The following SLC9A9 variants were observed in gnomAD, a reference collection of about 807,000 sequenced individuals.
SLC9A9 encodes sodium/hydrogen exchanger 9.
Under a neutral mutation model 77.8 loss-of-function variants are expected in SLC9A9, and 62 were observed. The ratio of observed to expected loss-of-function variants is 0.80; its 90% CI spans 0.65 to 0.98. SLC9A9 has a LOEUF of 0.98. SLC9A9 is among the 50% of genes least tolerant of loss of function. The pLI, the probability that SLC9A9 is intolerant of heterozygous loss-of-function variation, is 0.00. For missense variants in SLC9A9, 775 were observed against 774.9 expected, an observed-to-expected ratio of 1.00 and a Z score of 0.00; for synonymous variants, 320 against 283.5, an observed-to-expected ratio of 1.13 and a Z score of -1.29.
intron 8 of SLC9A9, among the ~76,000 whole-genome samples, chr3:143,571,814 T>G (rs985310687): frequency 1.3e-5 from 2 of 152,202 alleles, no homozygotes; most frequent in Non-Finnish European, 2.9e-5. Flanking sequence ...TCCTGTGATG[T>G]GCATGGCTTA....
At chr3:143,554,976 T>C (rs1443148710) in intron 8 of SLC9A9, among the ~76,000 whole-genome samples, 1 of 152,236 alleles carries the variant, frequency 6.6e-6, no homozygotes, top group East Asian at 1.9e-4. Flanking sequence ...ATCTTGCTAC[T>C]TGATATTTTA....
At chr3:143,626,703 A>T (rs1328273351) in intron 6 of SLC9A9, 1 of 152,166 alleles carries the variant, frequency 6.6e-6, no homozygotes, top group African/African-American at 2.4e-5. Flanking sequence ...CCAACATGGC[A>T]CATGTATACA....
At chr3:143,324,280 ACCTCTC>A (rs2031510932) in intron 14 of SLC9A9, among the ~76,000 whole-genome samples, 2 of 150,924 alleles carry the variant, frequency 1.3e-5, no homozygotes, top group South Asian at 4.2e-4. Flanking sequence ...AAGTCCAGAA[ACCTCTC>A]CCTCTCCATT....
intron 2 of SLC9A9, among the ~76,000 whole-genome samples, chr3:143,802,898 C>T (rs1338730028): frequency 1.3e-5 from 2 of 152,154 alleles, no homozygotes; most frequent in East Asian, 1.9e-4. Flanking sequence ...TCTTACTCAG[C>T]CCCAACCTTG....
intron 2 of SLC9A9, among the ~76,000 whole-genome samples, chr3:143,824,494 G>A (rs987351424): frequency 1.1e-4 from 17 of 152,174 alleles, no homozygotes; most frequent in Non-Finnish European, 1.8e-4. Flanking sequence ...CCTTCACTCC[G>A]AACCTTCTAA....
intron 12 of SLC9A9, among the ~76,000 whole-genome samples, chr3:143,462,348 C>T (rs962249543): frequency 3.3e-5 from 5 of 151,876 alleles, no homozygotes; most frequent in African/African-American, 7.2e-5. Context: ...ACTCCACCCT[C>T]GGTGAGAGAG....
intron 1 of SLC9A9, among the ~76,000 whole-genome samples, chr3:143,846,129 TG>T (rs2009825274): frequency 6.6e-6 from 1 of 152,220 alleles, no homozygotes; most frequent in African/African-American, 2.4e-5. Flanking sequence ...AGTTACTGTA[TG>T]TATTGTGAAT....
intron 6 of SLC9A9, among the ~76,000 whole-genome samples, chr3:143,585,752 A>T (rs2037530737): frequency 6.6e-6 from 1 of 152,150 alleles, no homozygotes; most frequent in South Asian, 2.1e-4. Context: ...ACATACTCTC[A>T]AGGCACATCA....
rs185567786 is a variant in SLC9A9 at position 143,839,668 on chromosome 3, T to C, written c.176-7447A>G. On this transcript the variant is annotated intron_variant, in intron 1 of 15. Coordinates refer to ENST00000316549, the MANE Select transcript of SLC9A9 (RefSeq NM_173653.4). Reference sequence around the variant, plus strand: ...GTACACACTTCACAAAACTCTGGGATTTCTAACAGTATAATAGATAACTTT... The same window carrying C: ...GTACACACTTCACAAAACTCTGGGACTTCTAACAGTATAATAGATAACTTT... Among the ~76,000 whole-genome samples, 21 of 152,292 alleles carry C rather than the reference T, an allele frequency of 1.4e-4. No individual in the cohort carries two copies. In the East Asian group the frequency reaches 3.9e-3, roughly 28 times the overall value.
chr3:143,496,124 A>G (rs1191208507), intron 9 of SLC9A9, among the ~76,000 whole-genome samples: 2 of 152,256 alleles, frequency 1.3e-5, no homozygotes, highest in African/African-American at 4.8e-5. Flanking sequence ...GCAAGAACAC[A>G]ATAGATACAT....
chr3:143,617,963 A>G (rs534527965), intron 6 of SLC9A9, among the ~76,000 whole-genome samples: 1 of 152,304 alleles, frequency 6.6e-6, no homozygotes, highest in East Asian at 1.9e-4. Context: ...TACAGGAGAG[A>G]GAGTCCAGAG....
intron 4 of SLC9A9, among the ~76,000 whole-genome samples, chr3:143,763,856 CAAAT>C (rs563955904): frequency 2.4e-4 from 36 of 151,850 alleles, no homozygotes; most frequent in African/African-American, 8.4e-4. Context: ...TTAAATAAGA[CAAAT>C]AATTTTTTTT....
chr3:143,813,280 C>A (rs1037251339), intron 2 of SLC9A9, among the ~76,000 whole-genome samples: 2 of 152,090 alleles, frequency 1.3e-5, no homozygotes, highest in African/African-American at 4.8e-5. Flanking sequence ...GTCTGGGGCT[C>A]TGCTTATCCT....
intron 14 of SLC9A9, among the ~76,000 whole-genome samples, chr3:143,284,295 G>T (rs1442764157): frequency 6.6e-6 from 1 of 152,182 alleles, no homozygotes; most frequent in East Asian, 1.9e-4. Context: ...AGTCCCAAAT[G>T]ATAATTGTTC....
At chr3:143,399,603 A>G (rs1484354373) in intron 12 of SLC9A9, among the ~76,000 whole-genome samples, 2 of 152,198 alleles carry the variant, frequency 1.3e-5, no homozygotes, top group African/African-American at 2.4e-5. Context: ...TGAAATTATC[A>G]TGAAGACTAC....
chr3:143,768,005 T>C (rs1453570619), intron 4 of SLC9A9, among the ~76,000 whole-genome samples: 1 of 152,216 alleles, frequency 6.6e-6, no homozygotes, highest in Non-Finnish European at 1.5e-5. Flanking sequence ...TAAAGGTAAA[T>C]AGATGACAGC....
At chr3:143,348,568 T>C (rs1246752567) in intron 14 of SLC9A9, among the ~76,000 whole-genome samples, 1 of 152,192 alleles carries the variant, frequency 6.6e-6, no homozygotes, top group African/African-American at 2.4e-5. Flanking sequence ...TCTCTTTTTT[T>C]CATATAAAAC....
chr3:143,446,535 G>A (rs569790995), intron 12 of SLC9A9, among the ~76,000 whole-genome samples: 1 of 152,094 alleles, frequency 6.6e-6, no homozygotes. Flanking sequence ...TGGGTGCCAG[G>A]CACTGTGCTA....
At chr3:143,570,029 C>G (rs558741841) in intron 8 of SLC9A9, among the ~76,000 whole-genome samples, 1 of 151,486 alleles carries the variant, frequency 6.6e-6, no homozygotes, top group African/African-American at 2.4e-5. Flanking sequence ...TGGTCTGGAA[C>G]TCTTGGGCCC....
Sources: gnomAD v4.1 joint callset for allele counts (sites outside exome capture counted in the v4.1 genomes callset) on GRCh38, gnomAD v4.1.1 for gene constraint, MANE v1.5 for transcripts, NCBI Gene and HGNC (gene_info 2026-07-23, HGNC 2026-07-21) for gene names.